MCCC1: variants seen among roughly 807,000 people sequenced by gnomAD.
MCCC1 encodes methylcrotonoyl-CoA carboxylase subunit alpha, mitochondrial.
MCCC1 carries 64 observed loss-of-function variants against 83.8 expected under a neutral mutation model. The ratio of observed to expected loss-of-function variants is 0.76; its 90% confidence interval spans 0.62 to 0.94. The LOEUF (loss-of-function observed/expected upper bound fraction) is 0.94. Among genes scored for constraint, MCCC1 ranks in the 40% least tolerant of loss-of-function variants. The pLI, the probability that MCCC1 is intolerant of heterozygous loss-of-function variation, is 0.00. For synonymous variants in MCCC1, 322 were observed against 315.4 expected (o/e 1.02, Z -0.22); for missense variants, 807 against 904.7 (o/e 0.89, Z 1.39).
chr3:183,099,627 G>A (rs1304488756), upstream of MCCC1: 6 of 696,106 alleles, frequency 8.6e-6, no homozygotes, highest in South Asian at 1.1e-4. Flanking sequence ...ACCAGAGCCC[G>A]GCTTCAGTAG....
upstream of MCCC1, among the ~76,000 whole-genome samples, chr3:183,101,332 C>T (rs947656144): frequency 8.5e-5 from 13 of 152,366 alleles, no homozygotes; most frequent in African/African-American, 1.9e-4. Context: ...AGCCCCGGTG[C>T]GGGATCCACT....
intron 2 of MCCC1, among the ~76,000 whole-genome samples, 186 bp downstream of exon 2, chr3:183,094,373 G>T (rs1024957674): frequency 2.6e-5 from 4 of 152,026 alleles, no homozygotes; most frequent in Admixed American, 1.3e-4. Flanking sequence ...AGACTTAACA[G>T]CAAGAGAGAT....
intron 8 of MCCC1, among the ~76,000 whole-genome samples, chr3:183,056,013 G>A (rs1715398799): frequency 6.6e-6 from 1 of 152,098 alleles, no homozygotes; most frequent in Non-Finnish European, 1.5e-5. Context: ...AAAATAATGG[G>A]AAACCTTGAG....
intron 1 of MCCC1, among the ~76,000 whole-genome samples, chr3:183,105,143 G>A (rs1037182133): frequency 2.6e-5 from 4 of 152,256 alleles, no homozygotes; most frequent in Middle Eastern, 6.8e-3. Flanking sequence ...TTGGGAGTTC[G>A]AGACTATCCT....
intron 16 of MCCC1, 50 bp from the exon 17 acceptor site, chr3:183,020,287 T>G: frequency 7.4e-7 from 1 of 1,352,424 alleles, no homozygotes; most frequent in East Asian, 2.3e-5. Context: ...TATCACTATA[T>G]TTTTACTAAT....
At chr3:183,099,080 G>T (rs549681252) in intron 1 of MCCC1, 22 of 573,040 alleles carry the variant, frequency 3.8e-5, no homozygotes, top group Admixed American at 1.2e-4. Flanking sequence ...GAGCCTGGAG[G>T]ATGGCGGGCC....
chr3:183,033,888 AAAATGT>A, intron 14 of MCCC1, 97 bp downstream of exon 14: 1 of 887,986 alleles, frequency 1.1e-6, no homozygotes, highest in Non-Finnish European at 1.8e-6. Context: ...AGGCATTTAA[AAAATGT>A]AACTGACTGA....
chr3:183,104,623 G>A (rs1311728760), intron 1 of MCCC1, among the ~76,000 whole-genome samples: 12 of 151,964 alleles, frequency 7.9e-5, no homozygotes, highest in African/African-American at 2.2e-4. Flanking sequence ...ACTATAAACC[G>A]ATAAGAAAAA....
At chr3:183,055,443 T>C (rs946061183) in intron 8 of MCCC1, among the ~76,000 whole-genome samples, 2 of 151,948 alleles carry the variant, frequency 1.3e-5, no homozygotes, top group African/African-American at 4.8e-5. Context: ...TATTATATAC[T>C]TCATCAAAAA....
chr3:183,034,777 C>CTTTTTTTTTTT (rs397963844), intron 13 of MCCC1, among the ~76,000 whole-genome samples: 1 of 143,894 alleles, frequency 6.9e-6, no homozygotes. Flanking sequence ...CCTTATAGGC[C>CTTTTTTTTTTT]TTTTTTTTTT....
intron 14 of MCCC1, among the ~76,000 whole-genome samples, chr3:183,032,612 C>A (rs779627273): frequency 6.6e-6 from 1 of 152,158 alleles, no homozygotes; most frequent in Non-Finnish European, 1.5e-5. Flanking sequence ...TGGTGGCTCA[C>A]GCCTGTAATC....
At chr3:183,091,819 A>T (rs946960065) in intron 3 of MCCC1, among the ~76,000 whole-genome samples, 1 of 152,128 alleles carries the variant, frequency 6.6e-6, no homozygotes, top group Non-Finnish European at 1.5e-5. Context: ...TGGGCGGATC[A>T]CGAGGTCAGC....
intron 14 of MCCC1, among the ~76,000 whole-genome samples, chr3:183,031,579 G>C (rs1713078775): frequency 7.5e-6 from 1 of 133,904 alleles, no homozygotes; most frequent in Non-Finnish European, 1.5e-5. Context: ...CTCACTGCAA[G>C]CTCCACCTCC....
chr3:183,044,198 T>C (rs1021252685), intron 10 of MCCC1, among the ~76,000 whole-genome samples: 1 of 152,190 alleles, frequency 6.6e-6, no homozygotes, highest in Non-Finnish European at 1.5e-5. Context: ...GAACCACGAA[T>C]CCTACATATA....
In MCCC1 at chr3:183,020,239, T is replaced by C; in HGVS notation, c.1870-2A>G. The C allele has an allele frequency of 6.2e-7, 1 of 1,609,288 alleles. No individual in the cohort carries two copies. The highest frequency in any genetic ancestry group is 8.5e-7 in the Non-Finnish European group (1 of 1,175,736). ...AATGTCAATCTCAATACTTCCTTCC[T>C]AGAAACAGAAAACAAACTGAAAACC... is the stretch of plus-strand genomic sequence containing the variant. On this transcript the variant is annotated splice_acceptor_variant, in intron 16 of 18. Coordinates refer to ENST00000265594, the MANE Select transcript of MCCC1 (RefSeq NM_020166.5). LOFTEE classifies it high-confidence loss of function.
chr3:183,019,911 C>T (rs1410187590), intron 17 of MCCC1, among the ~76,000 whole-genome samples: 1 of 152,144 alleles, frequency 6.6e-6, no homozygotes, highest in Admixed American at 6.5e-5. Context: ...AAATGCCTGC[C>T]TTCAAAAACA....
chr3:183,091,643 G>C (rs1028243607), intron 3 of MCCC1, among the ~76,000 whole-genome samples: 1 of 152,166 alleles, frequency 6.6e-6, no homozygotes, highest in African/African-American at 2.4e-5. Flanking sequence ...ACAAACTTCA[G>C]GGAGTTGGGT....
intron 14 of MCCC1, among the ~76,000 whole-genome samples, chr3:183,032,745 G>A (rs375706403): frequency 1.3e-5 from 2 of 152,000 alleles, no homozygotes; most frequent in Non-Finnish European, 2.9e-5. Flanking sequence ...GTGGTGGTGG[G>A]TGCCTGTAGT....
At chr3:183,104,451 A>G (rs1407845746), upstream of MCCC1, among the ~76,000 whole-genome samples, 3 of 130,204 alleles carry the variant, frequency 2.3e-5, no homozygotes, top group East Asian at 2.1e-4. Context: ...CACAATACTC[A>G]GAAGCTATAA....
Sources: gnomAD v4.1 joint callset for allele counts (sites outside exome capture counted in the v4.1 genomes callset) on GRCh38, gnomAD v4.1.1 for gene constraint, MANE v1.5 for transcripts, NCBI Gene and HGNC (gene_info 2026-07-23, HGNC 2026-07-21) for gene names.